Variants in SYN3 observed in about 807,000 individuals in gnomAD.
SYN3 encodes synapsin III, also known as synapsin-3.
SYN3 carries 35 observed loss-of-function variants against 65.8 expected under a neutral mutation model. The ratio of observed to expected loss-of-function variants is 0.53; its 90% CI spans 0.41 to 0.70. The LOEUF (loss-of-function observed/expected upper bound fraction) is 0.70, where lower values mean the gene tolerates loss of function less well. Ranked by LOEUF, SYN3 falls within the 30% of genes least tolerant of loss-of-function variation. The pLI is 0.00. For synonymous variants in SYN3, 270 were observed against 292.9 expected (o/e 0.92, Z 0.80); for missense variants, 680 against 749.0 (o/e 0.91, Z 1.08).
intron 6 of SYN3, among the ~76,000 whole-genome samples, chr22:32,599,556 C>G (rs967859503): frequency 5.3e-5 from 8 of 151,896 alleles, no homozygotes; most frequent in African/African-American, 1.9e-4. Flanking sequence ...CTCCTGACCT[C>G]GTGATCCGCC....
intron 2 of SYN3, among the ~76,000 whole-genome samples, chr22:32,987,432 T>C (rs1317282962): frequency 6.6e-6 from 1 of 152,142 alleles, no homozygotes; most frequent in Non-Finnish European, 1.5e-5. Flanking sequence ...TCTAGCTCCA[T>C]TGTTTTCTCC....
intron 7 of SYN3, among the ~76,000 whole-genome samples, chr22:32,559,825 G>A (rs574476686): frequency 2.3e-4 from 32 of 139,946 alleles, no homozygotes; most frequent in Non-Finnish European, 4.3e-4. Flanking sequence ...GCGAGACTCC[G>A]TCTCAACAAA....
At chr22:33,004,079 G>T (rs578028565) in intron 2 of SYN3, among the ~76,000 whole-genome samples, 1 of 152,224 alleles carries the variant, frequency 6.6e-6, no homozygotes. Context: ...CCTCTGCCTA[G>T]ATTTCAGAGG....
intron 2 of SYN3, among the ~76,000 whole-genome samples, chr22:32,991,187 A>T (rs1250748907): frequency 2.0e-5 from 3 of 151,590 alleles, no homozygotes; most frequent in Non-Finnish European, 4.4e-5. Context: ...CGTCTCAAAA[A>T]AAGAAAAAAA....
chr22:32,846,056 CTT>C (rs1012108062), intron 6 of SYN3, among the ~76,000 whole-genome samples: 2 of 152,114 alleles, frequency 1.3e-5, no homozygotes, highest in African/African-American at 4.8e-5. Context: ...CAGAATGTAA[CTT>C]AATTTTAGTT....
Position 32,902,623 on chromosome 22 carries a change from G to A in SYN3, c.461+28767C>T, listed in dbSNP as rs138260428. ...AAATGGTAGAGCTGTTCACTCCAAAGCATTCACACCAGCTTCTGAGAATAG... is the reference window on the plus strand; with the variant it reads ...AAATGGTAGAGCTGTTCACTCCAAAACATTCACACCAGCTTCTGAGAATAG... On this transcript the variant is annotated intron_variant, in intron 4 of 13. Transcript: ENST00000358763. 7.2e-3 allele frequency among the ~76,000 whole-genome samples: 1,101 copies of A among 152,280 alleles called. 14 individuals carry two copies. Among genetic ancestry groups the A allele is most frequent in the South Asian group, 0.051 (248 of 4,816 alleles).
At chr22:32,752,625 T>A (rs1360021003) in intron 6 of SYN3, among the ~76,000 whole-genome samples, 1 of 152,238 alleles carries the variant, frequency 6.6e-6, no homozygotes, top group Non-Finnish European at 1.5e-5. Flanking sequence ...CCAGGCCTCA[T>A]CTTGTTTCAC....
At chr22:32,819,438 A>G (rs1224299255) in intron 6 of SYN3, among the ~76,000 whole-genome samples, 1 of 152,158 alleles carries the variant, frequency 6.6e-6, no homozygotes, top group Non-Finnish European at 1.5e-5. Context: ...TTTTTTCTCA[A>G]CCACCAGCCA....
intron 6 of SYN3, among the ~76,000 whole-genome samples, chr22:32,680,806 A>T (rs1164581612): frequency 6.6e-6 from 1 of 152,192 alleles, no homozygotes; most frequent in Non-Finnish European, 1.5e-5. Context: ...GGATTTCCAA[A>T]CTTAGTTTTT....
intron 6 of SYN3, among the ~76,000 whole-genome samples, chr22:32,644,888 C>T (rs2059962107): frequency 1.3e-5 from 2 of 152,244 alleles, no homozygotes; most frequent in South Asian, 4.2e-4. Context: ...GAACCTGGTT[C>T]AGACCTCTTT....
intron 7 of SYN3, among the ~76,000 whole-genome samples, chr22:32,559,317 T>C (rs2058549906): frequency 6.6e-6 from 1 of 152,168 alleles, no homozygotes; most frequent in Non-Finnish European, 1.5e-5. Context: ...GGTGGGAAGA[T>C]AAACAAATAG....
intron 6 of SYN3, among the ~76,000 whole-genome samples, chr22:32,794,919 A>G (rs527304413): frequency 6.6e-6 from 1 of 152,196 alleles, no homozygotes; most frequent in African/African-American, 2.4e-5. Flanking sequence ...GTGCATTGTG[A>G]ACAAGGCTCA....
chr22:32,541,260 C>A (rs182185573), intron 8 of SYN3, among the ~76,000 whole-genome samples: 41 of 152,286 alleles, frequency 2.7e-4, no homozygotes, highest in Non-Finnish European at 4.4e-4. Context: ...GTATTCAAAG[C>A]CCTCCTTGAT....
In SYN3 at chr22:32,634,175, A is replaced by G. The variant is rs2059783545; in HGVS notation, c.712-37439T>C. On this transcript the variant is annotated intron_variant, in intron 6 of 13. Transcript: ENST00000358763. The stretch of plus-strand genomic sequence containing the variant: ...ATAACTGTTTTTCCAGGTAGGAACC[A>G]ATATTATCCCTGTTGTATAGATAAG... 2.0e-5 allele frequency among the ~76,000 whole-genome samples: 3 copies of G among 152,222 alleles called. No individual in the cohort carries two copies. The South Asian group carries it at 6.2e-4, about 32-fold the overall frequency.
rs184797016 is a variant in SYN3 at position 33,026,413 on chromosome 22, T to C, written c.-162-19589A>G. On this transcript the variant is annotated intron_variant, in intron 1 of 13. Transcript: ENST00000358763. ...AACCAGCCACCAGGACTAAGGCTCC[T>C]GGAGTGCTCCAGATCACCTTTTTTG... is the stretch of plus-strand genomic sequence containing the variant. Among the ~76,000 whole-genome samples the C allele has an allele frequency of 1.8e-3, 267 of 152,318 alleles. 1 individual carries two copies. The highest frequency in any genetic ancestry group is 1.8e-3 in the Non-Finnish European group (122 of 68,036).
In SYN3 at chr22:32,667,112, C is replaced by T. The variant is rs75264553; in HGVS notation, c.712-70376G>A. 2.1e-3 allele frequency among the ~76,000 whole-genome samples: 317 copies of T among 152,268 alleles called. 5 individuals are homozygous for T. The East Asian group carries it at 0.037, about 18-fold the overall frequency. ...TTGTTTTATTCACAGACTTTAGAAC[C>T]AAATCTCAGGGTAACATACAATCTC... On this transcript the variant is annotated intron_variant, in intron 6 of 13. Transcript: ENST00000358763.
At chr22:32,934,818 T>C (rs1295528653) in intron 3 of SYN3, among the ~76,000 whole-genome samples, 1 of 151,622 alleles carries the variant, frequency 6.6e-6, no homozygotes, top group Non-Finnish European at 1.5e-5. Flanking sequence ...CTGGTGGGAG[T>C]TGCGGGGGAG....
chr22:32,565,026 C>T (rs916391637), intron 7 of SYN3, among the ~76,000 whole-genome samples: 36 of 146,230 alleles, frequency 2.5e-4, no homozygotes, highest in East Asian at 4.1e-4. Flanking sequence ...ACAGTGCTCC[C>T]GGACTGCACC....
At chr22:32,613,994 G>A (rs532103643) in intron 6 of SYN3, among the ~76,000 whole-genome samples, 38 of 152,298 alleles carry the variant, frequency 2.5e-4, no homozygotes, top group Non-Finnish European at 4.9e-4. Context: ...GTGTCCTTGG[G>A]CAAGTTGCTT....
Sources: allele counts gnomAD v4.1 joint callset (sites outside exome capture counted in the v4.1 genomes callset), GRCh38; gene constraint gnomAD v4.1.1; transcripts MANE v1.5; gene names NCBI Gene and HGNC (gene_info 2026-07-23, HGNC 2026-07-21).